Variants in KCNN2 observed in about 807,000 individuals in gnomAD.
KCNN2 encodes the protein small conductance calcium-activated potassium channel protein 2.
Under a neutral mutation model 55.5 loss-of-function variants are expected in KCNN2, and 24 were observed. That is an observed-to-expected ratio of 0.43 (90% confidence interval 0.31 to 0.61). KCNN2 has a LOEUF of 0.61. KCNN2 is among the 20% of genes least tolerant of loss of function. The pLI is 0.08. For synonymous variants in KCNN2, 431 were observed against 336.1 expected (o/e 1.28, Z -3.09); for missense variants, 754 against 853.6 (o/e 0.88, Z 1.45).
chr5:114,141,394 T>C (rs144034159), intron 1 of KCNN2, among the ~76,000 whole-genome samples: 1 of 152,030 alleles, frequency 6.6e-6, no homozygotes, highest in African/African-American at 2.4e-5. Flanking sequence ...TTTTTTTTTG[T>C]CCTTGTGATA....
chr5:114,254,028 A>C (rs1196499215), intron 2 of KCNN2, among the ~76,000 whole-genome samples: 1 of 151,852 alleles, frequency 6.6e-6, no homozygotes, highest in Non-Finnish European at 1.5e-5. Context: ...CAGCAAGATA[A>C]ACTTGACAGC....
At chr5:114,075,759 C>T (rs1181564631) in intron 1 of KCNN2, among the ~76,000 whole-genome samples, 2 of 152,182 alleles carry the variant, frequency 1.3e-5, no homozygotes, top group African/African-American at 4.8e-5. Context: ...CTCAAACAGT[C>T]TGGAAAAGTG....
Position 114,372,189 on chromosome 5 carries a change from A to G in KCNN2, c.1218+8188A>G, listed in dbSNP as rs1226640638. Among the ~76,000 whole-genome samples the G allele has an allele frequency of 3.3e-5, 5 of 152,268 alleles. No homozygotes were observed. The East Asian group carries it at 9.7e-4, about 29-fold the overall frequency. ...ATTCTGTTCCAGAAACGTGGTCGATATTGGTGGTTCTTACTTGGTTTGGAT... is the reference window on the plus strand; with the variant it reads ...ATTCTGTTCCAGAAACGTGGTCGATGTTGGTGGTTCTTACTTGGTTTGGAT... On this transcript the variant is annotated intron_variant, in intron 2 of 7. Transcript: ENST00000673685.
At chr5:114,321,470 T>G (rs1479215738) in intron 2 of KCNN2, among the ~76,000 whole-genome samples, 2 of 152,300 alleles carry the variant, frequency 1.3e-5, no homozygotes, top group Non-Finnish European at 2.9e-5. Flanking sequence ...ACAACTCTTT[T>G]GTCTATAAGT....
At chr5:114,107,640 C>G (rs1751516870) in intron 1 of KCNN2, among the ~76,000 whole-genome samples, 1 of 151,936 alleles carries the variant, frequency 6.6e-6, no homozygotes, top group Non-Finnish European at 1.5e-5. Context: ...AAGTGATCTT[C>G]CCATCTGGGC....
chr5:114,373,453 A>G (rs528232793), intron 2 of KCNN2, among the ~76,000 whole-genome samples: 25 of 150,966 alleles, frequency 1.7e-4, no homozygotes, highest in Middle Eastern at 3.4e-3. Flanking sequence ...GAGCAGAGCA[A>G]TAGGACTCTC....
chr5:114,220,312 A>C (rs1377330047), intron 1 of KCNN2, among the ~76,000 whole-genome samples: 2 of 152,150 alleles, frequency 1.3e-5, no homozygotes, highest in Non-Finnish European at 2.9e-5. Context: ...AATGCTGGAA[A>C]AAATATTTAA....
At chr5:114,252,387 T>A (rs186080028) in intron 2 of KCNN2, among the ~76,000 whole-genome samples, 1 of 152,252 alleles carries the variant, frequency 6.6e-6, no homozygotes, top group African/African-American at 2.4e-5. Context: ...TCTGCATTTT[T>A]CCACATCTGA....
At chr5:114,327,298 T>C (rs1158491888) in intron 2 of KCNN2, among the ~76,000 whole-genome samples, 1 of 152,218 alleles carries the variant, frequency 6.6e-6, no homozygotes, top group Middle Eastern at 3.2e-3. Flanking sequence ...TATTTAGGAA[T>C]TGGTCTTCCT....
intron 2 of KCNN2, among the ~76,000 whole-genome samples, chr5:114,263,821 G>C (rs761845190): frequency 5.3e-5 from 8 of 152,142 alleles, no homozygotes; most frequent in Admixed American, 2.0e-4. Flanking sequence ...CCTCTCATAA[G>C]GGAGTTTGAA....
intron 2 of KCNN2, among the ~76,000 whole-genome samples, chr5:114,296,966 C>T (rs942984519): frequency 9.2e-5 from 14 of 152,010 alleles, no homozygotes; most frequent in Admixed American, 3.9e-4. Context: ...TTCAGGGGCT[C>T]TGTGTGAGTA....
chr5:114,341,731 A>G (rs904179895), intron 2 of KCNN2, among the ~76,000 whole-genome samples: 1 of 152,202 alleles, frequency 6.6e-6, no homozygotes, highest in Non-Finnish European at 1.5e-5. Context: ...CATTTTACCC[A>G]TAACATACTA....
At chr5:114,316,529 A>G (rs941836088) in intron 2 of KCNN2, among the ~76,000 whole-genome samples, 1 of 152,172 alleles carries the variant, frequency 6.6e-6, no homozygotes, top group Non-Finnish European at 1.5e-5. Context: ...GCAGATACAC[A>G]ATTGTTGGGT....
intron 2 of KCNN2, among the ~76,000 whole-genome samples, chr5:114,383,683 G>T (rs1476943116): frequency 1.3e-5 from 2 of 152,046 alleles, no homozygotes; most frequent in African/African-American, 2.4e-5. Context: ...GGCCAGGCTG[G>T]TCTTGAACTC....
intron 1 of KCNN2, among the ~76,000 whole-genome samples, chr5:114,113,230 A>G (rs143662374): frequency 1.8e-4 from 27 of 152,050 alleles, no homozygotes; most frequent in Admixed American, 7.9e-4. Context: ...CTCTCTTGCT[A>G]CTCTTTAAGG....
intron 5 of KCNN2, among the ~76,000 whole-genome samples, chr5:114,476,701 G>A (rs1009354867): frequency 8.5e-5 from 13 of 152,172 alleles, no homozygotes; most frequent in Admixed American, 3.3e-4. Context: ...GATTACAGGC[G>A]TGAGCCACCG....
intron 1 of KCNN2, among the ~76,000 whole-genome samples, chr5:114,148,899 T>C (rs1437215634): frequency 6.6e-6 from 1 of 151,896 alleles, no homozygotes. Context: ...CTTGTGGCAG[T>C]TGAAGAGGAT....
chr5:114,058,502 C>G (rs1750258207), intron 1 of KCNN2, among the ~76,000 whole-genome samples: 1 of 152,006 alleles, frequency 6.6e-6, no homozygotes, highest in African/African-American at 2.4e-5. Context: ...ACAGGGCATG[C>G]TTGGGCTAAT....
At chr5:114,445,949 G>T (rs939006703) in intron 3 of KCNN2, among the ~76,000 whole-genome samples, 2 of 152,210 alleles carry the variant, frequency 1.3e-5, no homozygotes, top group African/African-American at 2.4e-5. Context: ...GAAGTGACCA[G>T]CATAGGCTTA....
Sources: gnomAD v4.1 joint callset for allele counts (sites outside exome capture counted in the v4.1 genomes callset) on GRCh38, gnomAD v4.1.1 for gene constraint, MANE v1.5 for transcripts, NCBI Gene and HGNC (gene_info 2026-07-23, HGNC 2026-07-21) for gene names.